Variants in PRC1 observed in about 807,000 individuals in gnomAD.
PRC1 encodes protein regulator of cytokinesis 1.
In PRC1, 54 loss-of-function variants were observed where a neutral mutation model predicts 91.2. The ratio of observed to expected loss-of-function variants is 0.59; its 90% confidence interval spans 0.48 to 0.74. The LOEUF (loss-of-function observed/expected upper bound fraction) is 0.74, where lower values mean the gene tolerates loss of function less well. Among genes scored for constraint, PRC1 ranks in the 30% least tolerant of loss-of-function variants. PRC1 has a pLI of 0.00. For synonymous variants in PRC1, 275 were observed against 263.6 expected, an observed-to-expected ratio of 1.04 and a Z score of -0.42; for missense variants, 727 against 746.2, an observed-to-expected ratio of 0.97 and a Z score of 0.30.
chr15:90,994,425 G>A lies in PRC1; in HGVS notation c.-8C>T, dbSNP rs765677363. The A allele has an allele frequency of 8.1e-6, 13 of 1,610,930 alleles. No homozygotes were observed. The highest frequency in any genetic ancestry group is 1.1e-5 in the Non-Finnish European group (13 of 1,178,780). ...CCCGCACCTTCTCCTCATGGCGGACGCTCCAAGCAGCCGTGAGTCCAGGTC... is the reference window on the plus strand; with the variant it reads ...CCCGCACCTTCTCCTCATGGCGGACACTCCAAGCAGCCGTGAGTCCAGGTC... On this transcript the variant is annotated 5_prime_UTR_variant, in exon 1 of 15. Transcript: ENST00000394249.
chr15:90,984,660 G>C lies in PRC1; in HGVS notation c.144+33C>G. The C allele has an allele frequency of 6.2e-7, 1 of 1,612,684 alleles. No individual in the cohort carries two copies. The highest frequency in any genetic ancestry group is 1.1e-5 in the South Asian group (1 of 90,920). On this transcript the variant is annotated intron_variant, in intron 2 of 14. Transcript: ENST00000394249. The surrounding 1 kb of genome is among the most constrained non-coding windows in gnomAD (Gnocchi z 5.1). ...GTGAGACACCAACATCCTTACCCTG[G>C]TCCAATGCAGAGACCAGTACTATTC...
chr15:90,970,627 G>T, intron 11 of PRC1, 113 bp from the exon 12 acceptor site: 1 of 734,076 alleles, frequency 1.4e-6, no homozygotes. Flanking sequence ...AGGGAAGACG[G>T]GTTTACATGG....
In PRC1 at chr15:90,967,126, G is replaced by T; in HGVS notation, c.*5C>A. The T allele has an allele frequency of 1.2e-6, 2 of 1,612,594 alleles. No individual in the cohort carries two copies. The highest frequency in any genetic ancestry group is 1.7e-6 in the Non-Finnish European group (2 of 1,178,586). ...AGCCACAGCTGGTTGACTGATCAGGGCTTCTCAGGACTGGATGTTGGTTGA... is the reference window on the plus strand; with the variant it reads ...AGCCACAGCTGGTTGACTGATCAGGTCTTCTCAGGACTGGATGTTGGTTGA... On this transcript the variant is annotated 3_prime_UTR_variant, in exon 15 of 15. Transcript: ENST00000394249.
At chr15:90,975,168 C>T (rs556167105) in intron 9 of PRC1, among the ~76,000 whole-genome samples, 1 of 152,310 alleles carries the variant, frequency 6.6e-6, no homozygotes, top group South Asian at 2.1e-4. Context: ...TGCAGTGGCA[C>T]GATCTCAGCT....
At chr15:90,993,654 A>G (rs1402521237) in intron 1 of PRC1, among the ~76,000 whole-genome samples, 2 of 152,242 alleles carry the variant, frequency 1.3e-5, no homozygotes, top group Admixed American at 1.3e-4. Flanking sequence ...CAAGTCGGAC[A>G]GTCCCTCCCC....
At chr15:90,978,769 A>C (rs1336228271) in intron 8 of PRC1, among the ~76,000 whole-genome samples, 3 of 148,260 alleles carry the variant, frequency 2.0e-5, no homozygotes, top group African/African-American at 7.7e-5. Context: ...AAAAAAAAAA[A>C]AAAAAAAAAG....
intron 8 of PRC1, 116 bp from the exon 9 acceptor site, chr15:90,976,887 T>G (rs751101594): frequency 3.9e-5 from 31 of 799,250 alleles, no homozygotes; most frequent in Middle Eastern, 2.6e-4. Context: ...TCCCAGCACT[T>G]TGGGAGGCCG....
intron 8 of PRC1, among the ~76,000 whole-genome samples, chr15:90,977,851 G>A (rs1049531036): frequency 1.3e-5 from 2 of 152,100 alleles, no homozygotes; most frequent in African/African-American, 4.8e-5. Flanking sequence ...CTTCCAAAGT[G>A]CTGGGATTAC....
At position 90,974,111 on chromosome 15, in the gene PRC1, G is replaced by C. The variant is rs779918006; in HGVS notation, c.1461+25C>G. On this transcript the variant is annotated intron_variant, in intron 11 of 14. Transcript: ENST00000394249. This position sits in a 1 kb window ranked among gnomAD's most constrained non-coding sequence, Gnocchi z 4.6. Reference sequence around the variant, plus strand: ...ACCCTCACCCACTCCCTTGAAATCAGTGTTTCCCTAAGCCTTGTGTTTACC... The same window carrying C: ...ACCCTCACCCACTCCCTTGAAATCACTGTTTCCCTAAGCCTTGTGTTTACC... The C allele has an allele frequency of 6.3e-7, 1 of 1,596,596 alleles. No homozygotes were observed. Among genetic ancestry groups the C allele is most frequent in the Non-Finnish European group, 8.6e-7 (1 of 1,164,078 alleles).
chr15:90,973,180 AC>A (rs1031232228), intron 11 of PRC1: 10 of 152,354 alleles, frequency 6.6e-5, no homozygotes, highest in African/African-American at 2.2e-4. Context: ...TTTGATCTGT[AC>A]TAAGAAAAAT....
At position 90,970,500 on chromosome 15, in the gene PRC1, G is replaced by A. The variant is rs774454402; in HGVS notation, c.1476C>T (p.Thr492=). ...PGKARKLNTT[T]MSNATANSSI... ...TACTATTGGCCGTAGCATTGGACAT[G>A]GTGGTAGTGTTCAGCTAGGGAGAAG... Residue 492 remains threonine (T), a synonymous_variant, in exon 12 of 15, where the codon ACC becomes ACT. Coordinates refer to ENST00000394249, the MANE Select transcript of PRC1 (RefSeq NM_003981.4). The A allele has an allele frequency of 6.2e-7, 1 of 1,611,882 alleles. No individual in the cohort carries two copies. Among genetic ancestry groups the A allele is most frequent in the South Asian group, 1.1e-5 (1 of 91,020 alleles).
At chr15:90,969,977 G>C (rs752628283) in intron 12 of PRC1, among the ~76,000 whole-genome samples, 2 of 151,994 alleles carry the variant, frequency 1.3e-5, no homozygotes, top group African/African-American at 4.8e-5. Flanking sequence ...CTTGAGCATA[G>C]TCTAATAAAA....
intron 14 of PRC1, chr15:90,967,864 G>A: frequency 2.0e-6 from 2 of 985,462 alleles, no homozygotes; most frequent in Non-Finnish European, 2.4e-6. Context: ...CTTTAGAGTT[G>A]TCAAGGTAAG....
intron 3 of PRC1, 186 bp downstream of exon 3, chr15:90,983,832 G>T: frequency 3.0e-6 from 2 of 661,252 alleles, no homozygotes; most frequent in Admixed American, 2.8e-5. Context: ...TCTTACCAGG[G>T]CAACTCTCTA....
chr15:90,969,058 T>C (rs762326337), intron 14 of PRC1, 21 bp downstream of exon 14: 5 of 1,614,016 alleles, frequency 3.1e-6, no homozygotes, highest in East Asian at 2.2e-5. Flanking sequence ...AAAAGGGACA[T>C]GCAGGGATTG....
intron 1 of PRC1, among the ~76,000 whole-genome samples, chr15:90,987,388 C>A (rs2039661626): frequency 6.6e-6 from 1 of 152,212 alleles, no homozygotes; most frequent in African/African-American, 2.4e-5. Flanking sequence ...TGGGTTGCTG[C>A]TTACACAGGT....
rs1416219233 is a variant in PRC1, at chr15:90,980,262, G to A, written c.950C>T (p.Ala317Val). The change falls in exon 7 of 15, where the codon GCT becomes GTT. Residue 317 changes from alanine (A) to valine (V), a missense_variant. Ala to Val is a moderately conservative substitution (Grantham distance 64). Transcript: ENST00000394249. ...QCFYSQEQRQAFAPFCAEDYT... is the reference protein window; with the variant it reads ...QCFYSQEQRQVFAPFCAEDYT... ...CTAACCAGCACAGAAAGGGGCAAAA[G>A]CTTGTCTCTGCTCCTGGCTATAAAA... The A allele has an allele frequency of 3.1e-6, 5 of 1,612,486 alleles. No homozygotes were observed. The highest frequency in any genetic ancestry group is 4.2e-6 in the Non-Finnish European group (5 of 1,179,600).
At chr15:90,985,375 C>T (rs2039503752) in intron 1 of PRC1, among the ~76,000 whole-genome samples, 1 of 151,460 alleles carries the variant, frequency 6.6e-6, no homozygotes, top group African/African-American at 2.4e-5. Flanking sequence ...GGACTATAGG[C>T]AGGTGCTACC....
At chr15:90,980,421 C>T (rs2151528272) in intron 6 of PRC1, 32 bp from the exon 7 acceptor site, 1 of 1,604,818 alleles carries the variant, frequency 6.2e-7, no homozygotes, top group East Asian at 2.2e-5. Context: ...AGGGTGGCTG[C>T]CATAGTTTTA....
Sources: gnomAD v4.1 joint callset for allele counts (sites outside exome capture counted in the v4.1 genomes callset) on GRCh38, gnomAD v4.1.1 for gene constraint, Gnocchi (gnomAD v3.1) non-coding constraint, MANE v1.5 for transcripts, NCBI Gene and HGNC (gene_info 2026-07-23, HGNC 2026-07-21) for gene names.